RRM2: variants seen among roughly 807,000 people sequenced by gnomAD.
RRM2 encodes ribonucleotide reductase regulatory subunit M2.
A neutral mutation model predicts 45.9 loss-of-function variants in RRM2; 6 were observed. The observed-to-expected ratio is 0.13, with a 90% CI of 0.07 to 0.26. The LOEUF is 0.26. Ranked by LOEUF, RRM2 falls within the 10% of genes least tolerant of loss-of-function variation. The pLI, the probability that RRM2 is intolerant of heterozygous loss-of-function variation, is 1.00. For synonymous variants in RRM2, 177 were observed against 173.0 expected (o/e 1.02, Z -0.18); for missense variants, 343 against 489.5 (o/e 0.70, Z 2.82).
At chr2:10,187,990 CG>C in intron 3 of RRM2, among the ~76,000 whole-genome samples, 1 of 152,304 alleles carries the variant, frequency 6.6e-6, no homozygotes, top group South Asian at 2.1e-4. Flanking sequence ...ATCAGAAACT[CG>C]GGGCGGTGGG....
intron 3 of RRM2, among the ~76,000 whole-genome samples, chr2:10,162,672 AC>A (rs35511011): frequency 0.15 from 21,692 of 147,700 alleles, 1,776 homozygotes; most frequent in South Asian, 0.36. Context: ...AGCCACCTGC[AC>A]CCCCCCGCCG....
chr2:10,160,750 G>A (rs752348440), intron 3 of RRM2, among the ~76,000 whole-genome samples: 2 of 152,180 alleles, frequency 1.3e-5, no homozygotes, highest in Non-Finnish European at 2.9e-5. Flanking sequence ...ACCCCTGGAC[G>A]TCAGGACACT....
In RRM2 at chr2:10,210,506, G is replaced by A. The variant is rs759599596; in HGVS notation, n.678G>A. ...ACCAAGAATGCACAGAGGGCGCTGG[G>A]CTCCAAGCTTCAGCATATCCTTTCA... is the stretch of plus-strand genomic sequence containing the variant. On this transcript the variant is annotated non_coding_transcript_exon_variant, in exon 4 of 4. Coordinates refer to the RRM2 transcript ENST00000381786. 6 of 1,367,498 alleles carry A rather than the reference G, an allele frequency of 4.4e-6. No individual in the cohort carries two copies. In the African/African-American group the frequency reaches 8.9e-5, roughly 20 times the overall value. 84.7% of individuals were successfully genotyped at this position (1,367,498 alleles called of 1,614,324 possible).
chr2:10,186,314 A>AT lies in RRM2; in HGVS notation n.483-23983dup, dbSNP rs60113793. Among the ~76,000 whole-genome samples, 1,368 of 145,562 alleles carry AT rather than the reference A, an allele frequency of 9.4e-3. 13 individuals are homozygous for AT. The highest frequency in any genetic ancestry group is 0.024 in the African/African-American group (934 of 39,616). ...AGGCGCGCACCGCCATGCCCAGCTA[A>AT]TTTTTTTTTTTTTTGTATTTTTAGT... On this transcript the variant is annotated intron_variant and non_coding_transcript_variant, in intron 3 of 3. Coordinates refer to the RRM2 transcript ENST00000381786.
intron 3 of RRM2, among the ~76,000 whole-genome samples, chr2:10,197,446 C>T (rs983463273): frequency 2.0e-5 from 3 of 152,148 alleles, no homozygotes; most frequent in African/African-American, 7.2e-5. Context: ...GACAGATGGC[C>T]TCCTGCCCTG....
At chr2:10,200,523 TGC>T (rs1558406729) in intron 3 of RRM2, among the ~76,000 whole-genome samples, 13 of 3,574 alleles carry the variant, frequency 3.6e-3, no homozygotes, top group Admixed American at 9.0e-3. Context: ...CCACAGGGAC[TGC>T]GCGCACAAAT....
At chr2:10,196,754 C>T (rs1436484216) in intron 3 of RRM2, among the ~76,000 whole-genome samples, 1 of 152,210 alleles carries the variant, frequency 6.6e-6, no homozygotes, top group Non-Finnish European at 1.5e-5. Context: ...TCGCTGTGGC[C>T]AGATGCCAAG....
rs775880336 is a variant in RRM2 at position 10,210,489 on chromosome 2, T to G, written n.661T>G. 3 of 1,367,794 alleles carry G rather than the reference T, an allele frequency of 2.2e-6. No homozygotes were observed. In the South Asian group the frequency reaches 3.4e-5, roughly 16 times the overall value. The allele number at this position is 1,367,794 out of a possible 1,614,324, so 84.7% of individuals were successfully genotyped here. A position where few individuals can be genotyped will look rare whatever the true frequency, so the allele number is the denominator to read the frequency against. ...TATCTGGGTGGGAACTCACCAAGAA[T>G]GCACAGAGGGCGCTGGGCTCCAAGC... is the stretch of plus-strand genomic sequence containing the variant. On this transcript the variant is annotated non_coding_transcript_exon_variant, in exon 4 of 4. Coordinates refer to the RRM2 transcript ENST00000381786.
chr2:10,196,300 C>A (rs1464712302), intron 3 of RRM2, among the ~76,000 whole-genome samples: 1 of 152,194 alleles, frequency 6.6e-6, no homozygotes, highest in Non-Finnish European at 1.5e-5. Flanking sequence ...CACGGCTCAG[C>A]AGCAATCTGA....
Position 10,172,471 on chromosome 2 carries a change from G to T in RRM2, n.482+30096G>T, listed in dbSNP as rs1003911499. Among the ~76,000 whole-genome samples the T allele has an allele frequency of 2.7e-4, 41 of 152,292 alleles. No individual in the cohort carries two copies. The highest frequency in any genetic ancestry group is 9.1e-4 in the African/African-American group (38 of 41,568). ...CGAGAGCTGAGGGAAGACGGTGAAGGCCCTTTTGTTTTTAGTTCAATTTTG... is the reference window on the plus strand; with the variant it reads ...CGAGAGCTGAGGGAAGACGGTGAAGTCCCTTTTGTTTTTAGTTCAATTTTG... On this transcript the variant is annotated intron_variant and non_coding_transcript_variant, in intron 3 of 3. Transcript: ENST00000381786. The surrounding 1 kb of genome is among the most constrained non-coding windows in gnomAD (Gnocchi z 4.9).
intron 3 of RRM2, among the ~76,000 whole-genome samples, chr2:10,203,337 C>T (rs1285379440): frequency 6.6e-6 from 1 of 152,198 alleles, no homozygotes; most frequent in Non-Finnish European, 1.5e-5. Context: ...CACCCACTAG[C>T]TGTGTGACCT....
chr2:10,201,939 C>T (rs986042038), intron 3 of RRM2, among the ~76,000 whole-genome samples: 5 of 152,046 alleles, frequency 3.3e-5, no homozygotes, highest in South Asian at 2.1e-4. Flanking sequence ...AATGTTAAAC[C>T]GAATTAATAA....
chr2:10,125,101 C>G (rs769378672), intron 5 of RRM2, among the ~76,000 whole-genome samples: 1 of 152,186 alleles, frequency 6.6e-6, no homozygotes, highest in Non-Finnish European at 1.5e-5. Context: ...GAAAAAATTC[C>G]TAGATGTTGG....
At chr2:10,197,504 G>C (rs1363988390) in intron 3 of RRM2, among the ~76,000 whole-genome samples, 1 of 152,152 alleles carries the variant, frequency 6.6e-6, no homozygotes, top group African/African-American at 2.4e-5. Context: ...CTCCAGCAAG[G>C]CCTGGGGGGC....
Position 10,209,097 on chromosome 2 carries a change from C to T in RRM2, n.483-1214C>T, listed in dbSNP as rs112465225. 7.6e-3 allele frequency among the ~76,000 whole-genome samples: 1,067 copies of T among 140,200 alleles called. 17 individuals carry two copies. The highest frequency in any genetic ancestry group is 0.025 in the African/African-American group (966 of 38,612). 92.0% of individuals were successfully genotyped at this position (140,200 alleles called of 152,430 possible). A position where few individuals can be genotyped will look rare whatever the true frequency, so the allele number is the denominator to read the frequency against. ...TTGAGATGAAGTCTTATTCCATCGA[C>T]CAGGGCCTGGAGTGCAATGGTGCAA... On this transcript the variant is annotated intron_variant and non_coding_transcript_variant, in intron 3 of 3. Transcript: ENST00000381786.
chr2:10,152,022 C>T (rs1214131008), intron 3 of RRM2, among the ~76,000 whole-genome samples: 1 of 151,850 alleles, frequency 6.6e-6, no homozygotes, highest in African/African-American at 2.4e-5. Flanking sequence ...CATCTCGGCT[C>T]ACTGCAAGCT....
At chr2:10,200,917 C>T (rs1471810632) in intron 3 of RRM2, among the ~76,000 whole-genome samples, 3 of 152,284 alleles carry the variant, frequency 2.0e-5, no homozygotes, top group East Asian at 1.9e-4. Flanking sequence ...GAGCCCGAGG[C>T]GGGCAGATCA....
chr2:10,158,660 A>G (rs1663486894), intron 3 of RRM2, among the ~76,000 whole-genome samples: 1 of 151,990 alleles, frequency 6.6e-6, no homozygotes, highest in South Asian at 2.1e-4. Flanking sequence ...TGTGCTCACT[A>G]ATTTCATTTT....
Position 10,169,702 on chromosome 2 carries a change from T to C in RRM2, n.482+27327T>C, listed in dbSNP as rs1663756619. 6.6e-6 allele frequency among the ~76,000 whole-genome samples: 1 copy of C among 152,098 alleles called. No homozygotes were observed. The highest frequency in any genetic ancestry group is 2.1e-4 in the South Asian group (1 of 4,822). ...AGGTCTGCACAGCCCTGAGTGCTCA[T>C]GCCATGAAAATGAGTGTCTCTGAGT... On this transcript the variant is annotated intron_variant and non_coding_transcript_variant, in intron 3 of 3. Coordinates refer to the RRM2 transcript ENST00000381786. This position sits in a 1 kb window ranked among gnomAD's most constrained non-coding sequence, Gnocchi z 5.1.
Sources: gnomAD v4.1 joint callset for allele counts (sites outside exome capture counted in the v4.1 genomes callset) on GRCh38, gnomAD v4.1.1 for gene constraint, Gnocchi (gnomAD v3.1) non-coding constraint, MANE v1.5 for transcripts, NCBI Gene and HGNC (gene_info 2026-07-23, HGNC 2026-07-21) for gene names.